Variants in SHTN1 observed in about 807,000 individuals in gnomAD.
SHTN1 encodes shootin 1, also known as shootin-1.
SHTN1 carries 42 observed loss-of-function variants against 83.1 expected under a neutral mutation model. The ratio of observed to expected loss-of-function variants is 0.51; its 90% CI spans 0.39 to 0.65. SHTN1 has a LOEUF of 0.65. SHTN1 is among the 30% of genes least tolerant of loss of function. The pLI is 0.00. For synonymous variants in SHTN1, 224 were observed against 247.7 expected, an observed-to-expected ratio of 0.90 and a Z score of 0.90; for missense variants, 622 against 737.8, an observed-to-expected ratio of 0.84 and a Z score of 1.82.
Position 117,005,108 on chromosome 10 carries a change from G to A in SHTN1, c.-29C>T. The A allele has an allele frequency of 1.3e-6, 2 of 1,579,900 alleles. No individual in the cohort carries two copies. The highest frequency in any genetic ancestry group is 1.7e-6 in the Non-Finnish European group (2 of 1,162,534). On this transcript the variant is annotated 5_prime_UTR_variant, in exon 1 of 17. Coordinates refer to ENST00000355371, the MANE Select transcript of SHTN1 (RefSeq NM_001127211.3). ...GGCGGGTGGGGCCGGGAATAAAAGG[G>A]AAAGAGGGAGCGGCGCGGGGCACAC...
intron 4 of SHTN1, among the ~76,000 whole-genome samples, chr10:116,959,446 G>T (rs144295710): frequency 1.2e-3 from 176 of 152,034 alleles, no homozygotes; most frequent in African/African-American, 4.0e-3. Context: ...TGGAGGGGAG[G>T]GAAAAGAAAC....
chr10:117,116,982 T>C (rs914018520), intron 1 of SHTN1, among the ~76,000 whole-genome samples: 1 of 152,164 alleles, frequency 6.6e-6, no homozygotes, highest in Admixed American at 6.6e-5. Flanking sequence ...AGGCCTTTCC[T>C]CTAAGATGTG....
chr10:117,045,551 C>T (rs1852648976), intron 2 of SHTN1, among the ~76,000 whole-genome samples: 1 of 152,166 alleles, frequency 6.6e-6, no homozygotes. Flanking sequence ...AGCCCATATA[C>T]AACAGTTGAA....
intron 2 of SHTN1, among the ~76,000 whole-genome samples, chr10:117,044,461 T>C (rs1010924345): frequency 6.6e-6 from 1 of 152,200 alleles, no homozygotes; most frequent in Non-Finnish European, 1.5e-5. Flanking sequence ...TTAACAATGA[T>C]GTAATTTGTG....
intron 1 of SHTN1, among the ~76,000 whole-genome samples, chr10:116,986,673 G>C (rs1244292910): frequency 6.6e-6 from 1 of 151,340 alleles, no homozygotes; most frequent in Non-Finnish European, 1.5e-5. Flanking sequence ...TTTGAGCTCA[G>C]GAGTTTGAGG....
intron 1 of SHTN1, among the ~76,000 whole-genome samples, chr10:117,057,697 AC>A (rs374522621): frequency 6.6e-6 from 1 of 152,304 alleles, no homozygotes; most frequent in East Asian, 1.9e-4. Flanking sequence ...TTAAGTTTAT[AC>A]CTTAAGCTGA....
chr10:117,053,271 G>A (rs975238335), intron 1 of SHTN1, among the ~76,000 whole-genome samples: 2 of 151,696 alleles, frequency 1.3e-5, no homozygotes, highest in Non-Finnish European at 2.9e-5. Context: ...ACTTGACTTG[G>A]TCAAAATTAA....
At chr10:117,091,289 T>G (rs377230743) in intron 1 of SHTN1, among the ~76,000 whole-genome samples, 109 of 152,326 alleles carry the variant, frequency 7.2e-4, no homozygotes, top group African/African-American at 2.4e-3. Context: ...TCCTGAAATA[T>G]CTCAGATGAG....
chr10:116,946,559 TTATATATAAATATATAAAATGATTTATA>T (rs1849594354), intron 7 of SHTN1, among the ~76,000 whole-genome samples: 1 of 124,324 alleles, frequency 8.0e-6, no homozygotes, highest in African/African-American at 3.1e-5. Context: ...ATAAAATGAT[TTATATATAAATATATAAAATGATTTATA>T]TATAAATATA....
intron 1 of SHTN1, among the ~76,000 whole-genome samples, chr10:117,090,321 A>C (rs1237379622): frequency 6.6e-6 from 1 of 152,208 alleles, no homozygotes; most frequent in Non-Finnish European, 1.5e-5. Context: ...AAGGACAGAT[A>C]CTGATATCCC....
At chr10:116,957,774 G>A (rs1452309575) in intron 4 of SHTN1, among the ~76,000 whole-genome samples, 1 of 152,026 alleles carries the variant, frequency 6.6e-6, no homozygotes, top group Non-Finnish European at 1.5e-5. Flanking sequence ...AAGAAAATAT[G>A]AGGAACTGGG....
intron 1 of SHTN1, among the ~76,000 whole-genome samples, chr10:117,059,588 G>A (rs1353009927): frequency 6.6e-6 from 1 of 152,178 alleles, no homozygotes; most frequent in Non-Finnish European, 1.5e-5. Context: ...GAATATCCAG[G>A]AAATTATGCT....
intron 16 of SHTN1, 142 bp from the exon 17 acceptor site, chr10:116,886,708 G>A: frequency 8.7e-7 from 1 of 1,152,582 alleles, no homozygotes; most frequent in Admixed American, 2.7e-5. Flanking sequence ...TGAGATGCCA[G>A]CCATTTAAAA....
At chr10:116,919,021 A>C (rs1378412834) in intron 12 of SHTN1, among the ~76,000 whole-genome samples, 1 of 152,188 alleles carries the variant, frequency 6.6e-6, no homozygotes, top group Non-Finnish European at 1.5e-5. Flanking sequence ...AGTAAGGAGT[A>C]AAAGTTTCCC....
At chr10:117,099,344 A>G (rs1231816036) in intron 1 of SHTN1, among the ~76,000 whole-genome samples, 1 of 151,606 alleles carries the variant, frequency 6.6e-6, no homozygotes, top group Non-Finnish European at 1.5e-5. Flanking sequence ...ACTCATCTAT[A>G]TAACCAAAAA....
intron 1 of SHTN1, among the ~76,000 whole-genome samples, chr10:117,094,657 G>A (rs972269513): frequency 4.6e-5 from 7 of 152,000 alleles, no homozygotes; most frequent in Admixed American, 1.3e-4. Context: ...TCATTTCCCT[G>A]GTTTGAACTT....
At chr10:116,988,243 T>A (rs1375223325) in intron 1 of SHTN1, among the ~76,000 whole-genome samples, 2 of 151,786 alleles carry the variant, frequency 1.3e-5, no homozygotes, top group Non-Finnish European at 2.9e-5. Context: ...TTCTCTGTAT[T>A]TTTGGCTCCA....
chr10:117,106,297 A>G (rs1853668299), intron 1 of SHTN1, among the ~76,000 whole-genome samples: 1 of 152,026 alleles, frequency 6.6e-6, no homozygotes, highest in Non-Finnish European at 1.5e-5. Context: ...TCTACTAAAA[A>G]TACAAAAATT....
At chr10:117,033,895 T>C (rs1564936803) in intron 2 of SHTN1, among the ~76,000 whole-genome samples, 2 of 152,304 alleles carry the variant, frequency 1.3e-5, no homozygotes, top group Admixed American at 6.5e-5. Flanking sequence ...ATCAATGTGA[T>C]ACATCATATC....
Sources: gnomAD v4.1 joint callset for allele counts (sites outside exome capture counted in the v4.1 genomes callset) on GRCh38, gnomAD v4.1.1 for gene constraint, MANE v1.5 for transcripts, NCBI Gene and HGNC (gene_info 2026-07-23, HGNC 2026-07-21) for gene names.